Variants in ACVR1B observed in about 807,000 individuals in gnomAD.
ACVR1B encodes the protein activin receptor type-1B.
ACVR1B carries 15 observed loss-of-function variants against 55.6 expected under a neutral mutation model. That is an observed-to-expected ratio of 0.27 (90% CI 0.18 to 0.42). The LOEUF is 0.42. ACVR1B is among the 10% of genes least tolerant of loss of function. The pLI is 1.00. For synonymous variants in ACVR1B, 247 were observed against 254.6 expected (o/e 0.97, Z 0.28); for missense variants, 359 against 670.1 (o/e 0.54, Z 5.13).
At chr12:51,983,433 A>C (rs1942018216) in intron 4 of ACVR1B, among the ~76,000 whole-genome samples, 1 of 152,208 alleles carries the variant, frequency 6.6e-6, no homozygotes, top group Non-Finnish European at 1.5e-5. Context: ...TCCATAAAGG[A>C]GATCTTTCCT....
intron 4 of ACVR1B, chr12:51,982,542 T>TGCCACTCACA: frequency 1.1e-6 from 1 of 873,102 alleles, no homozygotes; most frequent in Non-Finnish European, 1.6e-6. Context: ...ACAGAGAGGA[T>TGCCACTCACA]GCTGTGAGTG....
At chr12:51,987,171 G>A in intron 7 of ACVR1B, 1 of 710,898 alleles carries the variant, frequency 1.4e-6, no homozygotes, top group Non-Finnish European at 2.6e-6. Flanking sequence ...TAACCATTCT[G>A]AAGGCTCGTT....
At chr12:51,977,828 C>T in intron 3 of ACVR1B, among the ~76,000 whole-genome samples, 1 of 140,134 alleles carries the variant, frequency 7.1e-6, no homozygotes, top group Admixed American at 7.4e-5. Flanking sequence ...CACTTTGTTG[C>T]CCAGGCTGGT....
At chr12:51,993,803 A>T (rs1482081820) in intron 8 of ACVR1B, among the ~76,000 whole-genome samples, 182 bp from the exon 9 acceptor site, 3 of 141,002 alleles carry the variant, frequency 2.1e-5, no homozygotes, top group East Asian at 4.1e-4. Context: ...AAAAAAAAAA[A>T]AGGAAGAGCC....
chr12:51,965,249 A>G (rs1335981914), intron 1 of ACVR1B, among the ~76,000 whole-genome samples: 2 of 152,148 alleles, frequency 1.3e-5, no homozygotes, highest in Admixed American at 1.3e-4. Context: ...GGGGCTCTCA[A>G]CCTCTACATT....
At chr12:51,980,381 A>G (rs1009206834) in intron 3 of ACVR1B, among the ~76,000 whole-genome samples, 1 of 152,194 alleles carries the variant, frequency 6.6e-6, no homozygotes, top group African/African-American at 2.4e-5. Context: ...AGCAATGTTG[A>G]GTTTTATAAA....
At position 51,951,742 on chromosome 12, in the gene ACVR1B, C is replaced by T. The variant is rs1023417319; in HGVS notation, c.-2C>T. On this transcript the variant is annotated 5_prime_UTR_variant, in exon 1 of 9. Coordinates refer to ENST00000257963, the MANE Select transcript of ACVR1B (RefSeq NM_004302.5). ...GCGGCGGCGGCGGCGGCGGTGGTTA[C>T]TATGGCGGAGTCGGCCGGAGCCTCC... 22 of 1,259,694 alleles carry T rather than the reference C, an allele frequency of 1.7e-5. No individual in the cohort carries two copies. Among genetic ancestry groups the T allele is most frequent in the South Asian group, 3.6e-5 (1 of 27,684 alleles). 78.0% of individuals were successfully genotyped at this position (1,259,694 alleles called of 1,614,324 possible).
intron 7 of ACVR1B, among the ~76,000 whole-genome samples, chr12:51,991,107 A>G (rs1235460148): frequency 6.6e-6 from 1 of 152,218 alleles, no homozygotes; most frequent in Non-Finnish European, 1.5e-5. Flanking sequence ...TAGTTGGAAT[A>G]GGAGAGGCAG....
chr12:51,973,230 A>G (rs910816502), intron 1 of ACVR1B, among the ~76,000 whole-genome samples: 1 of 152,208 alleles, frequency 6.6e-6, no homozygotes, highest in Non-Finnish European at 1.5e-5. Flanking sequence ...CTTTTCTGAA[A>G]GGCAACTGTG....
At chr12:51,993,338 C>T (rs1256542551) in intron 8 of ACVR1B, among the ~76,000 whole-genome samples, 1 of 152,172 alleles carries the variant, frequency 6.6e-6, no homozygotes, top group Non-Finnish European at 1.5e-5. Flanking sequence ...TTTCGTGTTG[C>T]ATCATAGAGC....
At chr12:51,974,672 A>G (rs1335570586) in intron 1 of ACVR1B, among the ~76,000 whole-genome samples, 1 of 152,210 alleles carries the variant, frequency 6.6e-6, no homozygotes, top group Non-Finnish European at 1.5e-5. Context: ...TTTGGAGGAT[A>G]TCATTTTTGC....
intron 1 of ACVR1B, among the ~76,000 whole-genome samples, chr12:51,972,820 T>A (rs1030310367): frequency 6.6e-6 from 1 of 152,170 alleles, no homozygotes; most frequent in Non-Finnish European, 1.5e-5. Context: ...GACATAGATA[T>A]GTGTAGAGTG....
At chr12:51,984,493 T>C (rs1942042102) in intron 5 of ACVR1B, among the ~76,000 whole-genome samples, 1 of 152,170 alleles carries the variant, frequency 6.6e-6, no homozygotes, top group Admixed American at 6.5e-5. Context: ...AAAATGGAAC[T>C]AAAAAGATAA....
Position 51,994,102 on chromosome 12 carries a change from A to T in ACVR1B, c.1510A>T (p.Lys504Ter). 1 of 1,613,604 alleles carries T rather than the reference A, an allele frequency of 6.2e-7. No individual in the cohort carries two copies. The change falls in exon 9 of 9, where the codon AAG (lysine) becomes TAG (stop). Residue 504 changes from lysine (K) to a stop codon, truncating the protein, a stop_gained. Coordinates refer to ENST00000257963, the MANE Select transcript of ACVR1B (RefSeq NM_004302.5). LOFTEE classifies it high-confidence loss of function. The surrounding 1 kb of genome is among the most constrained non-coding windows in gnomAD (Gnocchi z 4.2). ...CCAGCTCAGCGTGCAGGAAGACGTG[A>T]AGATCTAACTGCTCCCTCTCTCCAC... ...LSQLSVQEDVKI is the reference protein window; with the variant it reads ...LSQLSVQEDV
At chr12:51,962,030 C>T (rs963810537) in intron 1 of ACVR1B, among the ~76,000 whole-genome samples, 6 of 152,194 alleles carry the variant, frequency 3.9e-5, no homozygotes, top group Admixed American at 1.3e-4. Flanking sequence ...AAACATCAAA[C>T]GTCTCTTCTG....
intron 7 of ACVR1B, chr12:51,987,621 C>T (rs1190853937): frequency 6.2e-6 from 1 of 160,606 alleles, no homozygotes; most frequent in Non-Finnish European, 1.4e-5. Context: ...TAAGAGATTC[C>T]AGGGCAGTGA....
At chr12:51,979,609 T>C (rs1017035312) in intron 3 of ACVR1B, among the ~76,000 whole-genome samples, 7 of 152,300 alleles carry the variant, frequency 4.6e-5, no homozygotes, top group Admixed American at 2.0e-4. Context: ...TAAAGAACTT[T>C]TATGATGAGG....
At chr12:51,955,834 C>T (rs1053769048) in intron 1 of ACVR1B, among the ~76,000 whole-genome samples, 4 of 152,204 alleles carry the variant, frequency 2.6e-5, no homozygotes, top group Non-Finnish European at 4.4e-5. Flanking sequence ...CCCATCAGTT[C>T]CACTTGGACT....
chr12:51,991,735 TA>T, intron 7 of ACVR1B, 127 bp from the exon 8 acceptor site: 1 of 1,030,478 alleles, frequency 9.7e-7, no homozygotes, highest in East Asian at 2.5e-5. Context: ...TACTTAGAAT[TA>T]ACTAACTTTC....
Sources: gnomAD v4.1 joint callset for allele counts (sites outside exome capture counted in the v4.1 genomes callset) on GRCh38, gnomAD v4.1.1 for gene constraint, Gnocchi (gnomAD v3.1) non-coding constraint, MANE v1.5 for transcripts, NCBI Gene and HGNC (gene_info 2026-07-23, HGNC 2026-07-21) for gene names.